The following ALDH1A2 variants were observed in gnomAD, a reference collection of about 807,000 sequenced individuals.
ALDH1A2 encodes retinal dehydrogenase 2.
A neutral mutation model predicts 60.3 loss-of-function variants in ALDH1A2; 27 were observed. The ratio of observed to expected loss-of-function variants is 0.45; its 90% CI spans 0.33 to 0.62. The LOEUF is 0.62. ALDH1A2 is among the 20% of genes least tolerant of loss of function. The pLI, the probability that ALDH1A2 is intolerant of heterozygous loss-of-function variation, is 0.02. For missense variants in ALDH1A2, 581 were observed against 643.8 expected (o/e 0.90, Z 1.06); for synonymous variants, 289 against 232.4 (o/e 1.24, Z -2.21).
intron 1 of ALDH1A2, chr15:58,058,219 C>G (rs1384567923): frequency 7.8e-6 from 5 of 638,956 alleles, no homozygotes; most frequent in South Asian, 1.9e-5. Context: ...AATCGTGCCA[C>G]TATCACACAC....
At chr15:57,996,611 T>C (rs8025826) in intron 4 of ALDH1A2, among the ~76,000 whole-genome samples, 20 of 151,452 alleles carry the variant, frequency 1.3e-4, no homozygotes, top group East Asian at 1.2e-3. Flanking sequence ...CTAAGGGACA[T>C]AGAAGTCACT....
intron 4 of ALDH1A2, among the ~76,000 whole-genome samples, chr15:58,003,775 T>C (rs1415445313): frequency 1.3e-5 from 2 of 151,902 alleles, no homozygotes; most frequent in African/African-American, 4.8e-5. Context: ...TACTTTTCTT[T>C]AGGGCTGCTA....
chr15:57,974,780 T>A (rs35511675), intron 7 of ALDH1A2, among the ~76,000 whole-genome samples: 54,537 of 152,146 alleles, frequency 0.36, 10,607 homozygotes, highest in Non-Finnish European at 0.45. Context: ...AAACTGGACA[T>A]CAAAATTAAA....
In ALDH1A2 at chr15:58,013,932, T is replaced by A. The variant is rs1206968500; in HGVS notation, c.289A>T (p.Met97Leu). 3.7e-6 allele frequency: 6 copies of A among 1,614,092 alleles called. No homozygotes were observed. In the Admixed American group the frequency reaches 5.0e-5, roughly 13 times the overall value. Residue 97 changes from methionine to leucine, a missense_variant, in exon 3 of 13, where the codon ATG (methionine) becomes TTG (leucine). Met to Leu is a conservative substitution (Grantham distance 15). Transcript: ENST00000249750. ...AFSLGSVWRR[M>L]DASERGRLLD... is the part of the protein sequence containing the mutation. ...AGACGTCCCCTTTCTGAAGCATCCATCCTTCTCCACACTGAACCAAGAGAG... is the reference window on the plus strand; with the variant it reads ...AGACGTCCCCTTTCTGAAGCATCCAACCTTCTCCACACTGAACCAAGAGAG...
At chr15:58,019,539 C>G (rs1161307529) in intron 1 of ALDH1A2, among the ~76,000 whole-genome samples, 1 of 152,154 alleles carries the variant, frequency 6.6e-6, no homozygotes, top group African/African-American at 2.4e-5. Context: ...TATAGAAATG[C>G]TGACTTACTA....
intron 1 of ALDH1A2, among the ~76,000 whole-genome samples, chr15:58,035,882 ATGC>A (rs1243837226): frequency 6.6e-6 from 1 of 151,652 alleles, no homozygotes; most frequent in Non-Finnish European, 1.5e-5. Context: ...CATTTTGCTG[ATGC>A]TGGACATAGA....
chr15:57,978,603 G>A (rs1276569457), intron 7 of ALDH1A2, among the ~76,000 whole-genome samples: 2 of 152,100 alleles, frequency 1.3e-5, no homozygotes, highest in African/African-American at 4.8e-5. Context: ...TTGGTCCACA[G>A]TCATATTTCA....
chr15:57,980,205 C>CT (rs1894441505), intron 7 of ALDH1A2: 1 of 314,138 alleles, frequency 3.2e-6, no homozygotes, highest in South Asian at 3.1e-5. Context: ...TCCTGCTTCT[C>CT]TGAGTATTTG....
At chr15:57,969,258 T>A (rs1893987434) in intron 7 of ALDH1A2, among the ~76,000 whole-genome samples, 1 of 152,154 alleles carries the variant, frequency 6.6e-6, no homozygotes, top group Non-Finnish European at 1.5e-5. Flanking sequence ...AATTCACAGC[T>A]AAAAGGACTC....
chr15:58,006,423 C>CAGT (rs1283775508), intron 4 of ALDH1A2, among the ~76,000 whole-genome samples: 1 of 151,954 alleles, frequency 6.6e-6, no homozygotes, highest in Non-Finnish European at 1.5e-5. Context: ...GGCTGACGTG[C>CAGT]AGTTAGGTTG....
At chr15:58,047,079 T>C (rs1896657166) in intron 1 of ALDH1A2, among the ~76,000 whole-genome samples, 1 of 152,000 alleles carries the variant, frequency 6.6e-6, no homozygotes, top group Non-Finnish European at 1.5e-5. Context: ...TGGCCATAAC[T>C]ATATAGGCAG....
intron 7 of ALDH1A2, among the ~76,000 whole-genome samples, chr15:57,974,164 G>T (rs779296705): frequency 1.3e-5 from 2 of 152,110 alleles, no homozygotes; most frequent in African/African-American, 4.8e-5. Context: ...ATATAGGGCC[G>T]GGCGCAGTGG....
intron 11 of ALDH1A2, 87 bp downstream of exon 11, chr15:57,961,050 C>T: frequency 6.4e-7 from 1 of 1,560,744 alleles, no homozygotes; most frequent in Non-Finnish European, 8.8e-7. Context: ...TTTGGTATTC[C>T]CCATCCTTCC....
chr15:57,959,241 G>A (rs1337801524), intron 12 of ALDH1A2, among the ~76,000 whole-genome samples: 1 of 152,176 alleles, frequency 6.6e-6, no homozygotes, highest in Non-Finnish European at 1.5e-5. Context: ...ACTGACCCCA[G>A]CATTTCAGAG....
At chr15:57,987,777 C>T (rs971446039) in intron 7 of ALDH1A2, among the ~76,000 whole-genome samples, 4 of 150,216 alleles carry the variant, frequency 2.7e-5, no homozygotes, top group Non-Finnish European at 5.9e-5. Flanking sequence ...CCCAGCTACT[C>T]GGAAGGCTGA....
At chr15:57,994,043 T>C (rs1168512658) in intron 5 of ALDH1A2, among the ~76,000 whole-genome samples, 1 of 152,186 alleles carries the variant, frequency 6.6e-6, no homozygotes, top group East Asian at 1.9e-4. Flanking sequence ...TAAAGTGCAG[T>C]AATTGAGCCA....
At chr15:57,993,993 C>T (rs1361622247) in intron 5 of ALDH1A2, among the ~76,000 whole-genome samples, 1 of 152,186 alleles carries the variant, frequency 6.6e-6, no homozygotes, top group Non-Finnish European at 1.5e-5. Context: ...ACTTGGGAGT[C>T]CACCGTAATG....
chr15:58,038,134 C>A (rs1157637549), intron 1 of ALDH1A2, among the ~76,000 whole-genome samples: 1 of 151,714 alleles, frequency 6.6e-6, no homozygotes, highest in Non-Finnish European at 1.5e-5. Context: ...CCCTCCCTCC[C>A]TACTTCCTTC....
Position 58,014,073 on chromosome 15 carries a change from A to G in ALDH1A2, c.223-75T>C, listed in dbSNP as rs1895718299. 5 of 1,614,008 alleles carry G rather than the reference A, an allele frequency of 3.1e-6. No individual in the cohort carries two copies. In the Admixed American group the frequency reaches 8.3e-5, roughly 27 times the overall value. On this transcript the variant is annotated intron_variant, in intron 2 of 12. Coordinates refer to ENST00000249750, the MANE Select transcript of ALDH1A2 (RefSeq NM_003888.4). ...AAGAACCATCCACTGTCATGAAAAA[A>G]GTGAAGCATGAGCATGTAGTGGTGT...
Sources: allele counts gnomAD v4.1 joint callset (sites outside exome capture counted in the v4.1 genomes callset), GRCh38; gene constraint gnomAD v4.1.1; transcripts MANE v1.5; gene names NCBI Gene and HGNC (gene_info 2026-07-23, HGNC 2026-07-21).